The following ROBO1 variants were observed in gnomAD, a reference collection of about 807,000 sequenced individuals.
ROBO1 encodes roundabout guidance receptor 1.
In ROBO1, 149 loss-of-function variants were observed where a neutral mutation model predicts 195.9. That is an observed-to-expected ratio of 0.76 (90% confidence interval 0.67 to 0.87). The LOEUF (loss-of-function observed/expected upper bound fraction) is 0.87. ROBO1 is among the 40% of genes least tolerant of loss of function. The pLI, the probability that ROBO1 is intolerant of heterozygous loss-of-function variation, is 0.00. For synonymous variants in ROBO1, 816 were observed against 733.2 expected (o/e 1.11, Z -1.82); for missense variants, 1,933 against 2,068.3 (o/e 0.93, Z 1.27).
intron 2 of ROBO1, among the ~76,000 whole-genome samples, chr3:79,429,747 A>G (rs1405265462): frequency 6.6e-6 from 1 of 152,138 alleles, no homozygotes; most frequent in African/African-American, 2.4e-5. Context: ...TGGCTACTCC[A>G]TATCCCACCA....
intron 10 of ROBO1, among the ~76,000 whole-genome samples, chr3:78,672,151 C>T (rs1708098425): frequency 6.6e-6 from 1 of 151,960 alleles, no homozygotes; most frequent in South Asian, 2.1e-4. Context: ...TATTGTTATG[C>T]ATATTTAAAT....
chr3:79,487,315 T>C (rs986108368), intron 2 of ROBO1, among the ~76,000 whole-genome samples: 10 of 151,456 alleles, frequency 6.6e-5, no homozygotes, highest in African/African-American at 2.2e-4. Context: ...TGTGCAACAT[T>C]TTTGGTTGAA....
intron 3 of ROBO1, among the ~76,000 whole-genome samples, chr3:78,952,415 A>G (rs1036471436): frequency 1.1e-4 from 17 of 151,174 alleles, no homozygotes; most frequent in African/African-American, 3.4e-4. Flanking sequence ...TATATTCTTA[A>G]AAGAGCCTTG....
intron 2 of ROBO1, among the ~76,000 whole-genome samples, chr3:79,283,630 A>T (rs553353810): frequency 2.6e-5 from 4 of 152,254 alleles, no homozygotes; most frequent in Admixed American, 2.6e-4. Flanking sequence ...ACTCTGTGTA[A>T]GCATTCTATT....
intron 4 of ROBO1, among the ~76,000 whole-genome samples, chr3:78,935,823 T>A (rs1290565843): frequency 3.9e-5 from 6 of 152,084 alleles, no homozygotes; most frequent in Admixed American, 6.6e-5. Context: ...AAAATTGTTT[T>A]CTTTTATAAA....
At chr3:79,646,264 C>A (rs1030255119) in intron 1 of ROBO1, among the ~76,000 whole-genome samples, 17 of 152,182 alleles carry the variant, frequency 1.1e-4, no homozygotes, top group African/African-American at 4.1e-4. Context: ...TGAATAGACA[C>A]TTCTCAAAAG....
chr3:79,261,711 A>G (rs2082941401), intron 2 of ROBO1, among the ~76,000 whole-genome samples: 1 of 152,054 alleles, frequency 6.6e-6, no homozygotes, highest in South Asian at 2.1e-4. Context: ...CTTGCCAAAG[A>G]TATTTATGAA....
At chr3:79,167,857 C>T (rs1402695516) in intron 2 of ROBO1, among the ~76,000 whole-genome samples, 4 of 152,164 alleles carry the variant, frequency 2.6e-5, no homozygotes, top group Admixed American at 2.6e-4. Flanking sequence ...TAATCATCCT[C>T]ATCTGTAAAA....
Position 79,351,235 on chromosome 3 carries a change from A to G in ROBO1, c.89-225696T>C, listed in dbSNP as rs556282257. 1.6e-4 allele frequency among the ~76,000 whole-genome samples: 24 copies of G among 152,336 alleles called. 1 individual carries two copies. Among genetic ancestry groups the G allele is most frequent in the Admixed American group, 1.6e-3 (24 of 15,300 alleles). On this transcript the variant is annotated intron_variant, in intron 2 of 30. Transcript: ENST00000464233. Reference sequence around the variant, plus strand: ...TTTTATGTTGCTTCAGGCACTTCAAATATATTATCTGACTTGGTCACAGAT... The same window carrying G: ...TTTTATGTTGCTTCAGGCACTTCAAGTATATTATCTGACTTGGTCACAGAT...
chr3:79,292,984 T>G (rs1360729708), intron 2 of ROBO1, among the ~76,000 whole-genome samples: 1 of 152,192 alleles, frequency 6.6e-6, no homozygotes, highest in Non-Finnish European at 1.5e-5. Flanking sequence ...TGGTAGAATT[T>G]GGCTGTGAAT....
chr3:78,933,197 A>G (rs1560015300), intron 4 of ROBO1, among the ~76,000 whole-genome samples: 1 of 152,272 alleles, frequency 6.6e-6, no homozygotes, highest in East Asian at 1.9e-4. Context: ...TGAAATGGTC[A>G]GCAAACTGTC....
chr3:78,724,966 T>C (rs948030241), intron 5 of ROBO1, among the ~76,000 whole-genome samples: 7 of 152,224 alleles, frequency 4.6e-5, no homozygotes, highest in African/African-American at 1.7e-4. Context: ...AAAACTAGTT[T>C]GTGTAATGAA....
intron 2 of ROBO1, among the ~76,000 whole-genome samples, chr3:79,535,978 C>T (rs1313846713): frequency 6.6e-6 from 1 of 151,998 alleles, no homozygotes; most frequent in Non-Finnish European, 1.5e-5. Context: ...TAAATATCTG[C>T]CTTTCCCTGG....
intron 19 of ROBO1, 34 bp from the exon 20 acceptor site, chr3:78,647,689 T>C: frequency 1.3e-6 from 2 of 1,577,288 alleles, no homozygotes; most frequent in Non-Finnish European, 1.7e-6. Flanking sequence ...AACCAGTTAT[T>C]AAGCTGAAGA....
chr3:79,251,515 G>A lies in ROBO1; in HGVS notation c.89-125976C>T, dbSNP rs548213929. On this transcript the variant is annotated intron_variant, in intron 2 of 30. Coordinates refer to ENST00000464233, the MANE Select transcript of ROBO1 (RefSeq NM_002941.4). ...TGCCTGTAATCCCAGCACTTTGGGA[G>A]GCCGAGGAGAGTGGATCACTAGGTC... Among the ~76,000 whole-genome samples, 38 of 152,284 alleles carry A rather than the reference G, an allele frequency of 2.5e-4. No homozygotes were observed. In the South Asian group the frequency reaches 7.7e-3, roughly 31 times the overall value.
chr3:78,717,407 G>A lies in ROBO1; in HGVS notation c.785C>T (p.Pro262Leu), dbSNP rs1320438202. 6.2e-7 allele frequency: 1 copy of A among 1,613,238 alleles called. No individual in the cohort carries two copies. Reference protein sequence around the residue: ...EVAELTVLERPSFVKRPSNLA... With the variant: ...EVAELTVLERLSFVKRPSNLA... ...GTTACTGGGTCTCTTCACAAATGAT[G>A]GTCTCTCTAAAATTAAAAAGAGTCA... The change falls in exon 7 of 31, where the codon CCA becomes CTA. Residue 262 changes from proline to leucine, a missense_variant. Around this residue, in one of 3 missense-constraint regions of ROBO1, gnomAD observed 1,737 missense variants for 1,882.5 expected, o/e 0.92. Coordinates refer to ENST00000464233, the MANE Select transcript of ROBO1 (RefSeq NM_002941.4).
rs1177659938 is a variant in ROBO1, at chr3:78,714,462, G to C, written c.980C>G (p.Ser327Ter). 6.2e-7 allele frequency: 1 copy of C among 1,613,148 alleles called. No homozygotes were observed. The highest frequency in any genetic ancestry group is 8.5e-7 in the Non-Finnish European group (1 of 1,179,410). ...IRKVTAGDMG[S>*]YTCVAENMVG... is the part of the protein sequence containing the mutation. The stretch of plus-strand genomic sequence containing the variant: ...CATATTTTCTGCAACACAAGTGTAT[G>C]AACCCATGTCACCAGCTGTCACCTT... Residue 327 changes from serine (S) to a stop codon, truncating the protein, a stop_gained, in exon 8 of 31, where the codon TCA (serine) becomes TGA (stop). Transcript: ENST00000464233. LOFTEE classifies it high-confidence loss of function.
intron 2 of ROBO1, among the ~76,000 whole-genome samples, chr3:79,142,877 G>A (rs935019705): frequency 9.9e-5 from 15 of 152,020 alleles, no homozygotes; most frequent in African/African-American, 3.1e-4. Flanking sequence ...AACATTTTAA[G>A]GAAATATTAT....
intron 1 of ROBO1, among the ~76,000 whole-genome samples, chr3:79,597,703 T>C (rs1272909881): frequency 2.0e-5 from 3 of 152,040 alleles, no homozygotes; most frequent in African/African-American, 7.2e-5. Flanking sequence ...ATACTTGGAT[T>C]TGCTTTACAA....
Sources: allele counts gnomAD v4.1 joint callset (sites outside exome capture counted in the v4.1 genomes callset), GRCh38; gene constraint gnomAD v4.1.1; regional missense constraint gnomAD v4.1.1; transcripts MANE v1.5; gene names NCBI Gene and HGNC (gene_info 2026-07-23, HGNC 2026-07-21).